Variants in SLC6A19 observed in about 807,000 individuals in gnomAD.
SLC6A19 encodes solute carrier family 6 member 19, also known as sodium-dependent neutral amino acid transporter B(0)AT1.
Under a neutral mutation model 68.3 loss-of-function variants are expected in SLC6A19, and 67 were observed. The ratio of observed to expected loss-of-function variants is 0.98; its 90% CI spans 0.81 to 1.20. SLC6A19 has a LOEUF of 1.20. SLC6A19 is among the 50% of genes most tolerant of loss of function. The pLI is 0.00. For synonymous variants in SLC6A19, 392 were observed against 374.9 expected (o/e 1.05, Z -0.53); for missense variants, 813 against 851.6 (o/e 0.95, Z 0.56).
At position 1,216,883 on chromosome 5, in the gene SLC6A19, G is replaced by C. The variant is rs138803628; in HGVS notation, c.1111G>C (p.Asp371His). The change falls in exon 8 of 12, where the codon GAC becomes CAC. Residue 371 changes from aspartate to histidine, a missense_variant. By Grantham distance (81) the Asp-to-His change is moderately conservative. Coordinates refer to ENST00000304460, the MANE Select transcript of SLC6A19 (RefSeq NM_001003841.3). ...CATGCAGCAGCGGTGCAACGCCTCC[G>C]ACCCCGCGGCCTACGCGCAGCTGGT... is the stretch of plus-strand genomic sequence containing the variant. ...VDMQQRCNAS[D>H]PAAYAQLVFQ... 6.2e-7 allele frequency: 1 copy of C among 1,613,668 alleles called. No individual in the cohort carries two copies.
At chr5:1,219,723 T>A (rs1290150251) in intron 10 of SLC6A19, 59 bp downstream of exon 10, 2 of 1,594,398 alleles carry the variant, frequency 1.3e-6, no homozygotes, top group Non-Finnish European at 1.7e-6. Flanking sequence ...CACAGGGCGT[T>A]CCTGTGAGGG....
In SLC6A19 at chr5:1,201,765, G is replaced by T; in HGVS notation, c.115G>T (p.Ala39Ser). 6.2e-7 allele frequency: 1 copy of T among 1,612,842 alleles called. No individual in the cohort carries two copies. The highest frequency in any genetic ancestry group is 1.3e-5 in the African/African-American group (1 of 75,066). ...ASSRPKWDNK[A>S]QYMLTCLGFC... ...CTCCCGGCCGAAGTGGGACAACAAG[G>T]CGCAGTACATGCTCACCTGCCTGGG... is the stretch of plus-strand genomic sequence containing the variant. The change falls in exon 1 of 12, where the codon GCG becomes TCG. Residue 39 changes from alanine (A) to serine (S), a missense_variant. Transcript: ENST00000304460.
chr5:1,212,209 G>A lies in SLC6A19; in HGVS notation c.482-94G>A. 1 of 1,527,946 alleles carries A rather than the reference G, an allele frequency of 6.5e-7. No individual in the cohort carries two copies. The highest frequency in any genetic ancestry group is 9.0e-7 in the Non-Finnish European group (1 of 1,116,678). The allele number at this position is 1,527,946 out of a possible 1,614,324, so 94.6% of individuals were successfully genotyped here. A position where few individuals can be genotyped will look rare whatever the true frequency, so the allele number is the denominator to read the frequency against. On this transcript the variant is annotated intron_variant, in intron 3 of 11. Coordinates refer to ENST00000304460, the MANE Select transcript of SLC6A19 (RefSeq NM_001003841.3). This position sits in a 1 kb window ranked among gnomAD's most constrained non-coding sequence, Gnocchi z 5.1. ...GCGTGTCACTGGTGTCAAGGCCTCT[G>A]GAACGTGGCTGGCATTTCTTCCAGC... is the stretch of plus-strand genomic sequence containing the variant.
chr5:1,219,616 T>C lies in SLC6A19; in HGVS notation c.1490T>C (p.Ile497Thr). ...GCCGGCTCCATTCCCCTGCTCATCA[T>C]CGCCTTCTGCGAGATGTTCTCTGTG... ...SYAGSIPLLI[I>T]AFCEMFSVVY... The change falls in exon 10 of 12, where the codon ATC (isoleucine) becomes ACC (threonine). Residue 497 changes from isoleucine to threonine, a missense_variant. By Grantham distance (89) the Ile-to-Thr change is moderately conservative (BLOSUM62 -1). Coordinates refer to ENST00000304460, the MANE Select transcript of SLC6A19 (RefSeq NM_001003841.3). The C allele has an allele frequency of 2.5e-6, 4 of 1,610,154 alleles. No homozygotes were observed. The highest frequency in any genetic ancestry group is 3.4e-6 in the Non-Finnish European group (4 of 1,180,026).
chr5:1,219,456 G>T (rs374533111), intron 9 of SLC6A19, 49 bp from the exon 10 acceptor site: 3 of 1,603,384 alleles, frequency 1.9e-6, no homozygotes, highest in South Asian at 1.1e-5. Context: ...GTCCCTGGCC[G>T]TGCGTGCAGC....
chr5:1,201,803 C>A lies in SLC6A19; in HGVS notation c.153C>A (p.Gly51=), dbSNP rs1455045629. 6.2e-7 allele frequency: 1 copy of A among 1,612,554 alleles called. No homozygotes were observed. The highest frequency in any genetic ancestry group is 8.5e-7 in the Non-Finnish European group (1 of 1,179,896). ...TCACCTGCCTGGGCTTCTGCGTGGGCCTCGGCAACGTGTGGCGCTTCCCCT... is the reference window on the plus strand; with the variant it reads ...TCACCTGCCTGGGCTTCTGCGTGGGACTCGGCAACGTGTGGCGCTTCCCCT... ...YMLTCLGFCV[G]LGNVWRFPYL... Residue 51 remains glycine, a synonymous_variant, in exon 1 of 12, where the codon GGC becomes GGA. Transcript: ENST00000304460.
chr5:1,222,018 CGT>C lies in SLC6A19; in HGVS notation c.*120_*121del, dbSNP rs1746396769. On this transcript the variant is annotated 3_prime_UTR_variant, in exon 12 of 12. Coordinates refer to ENST00000304460, the MANE Select transcript of SLC6A19 (RefSeq NM_001003841.3). The stretch of plus-strand genomic sequence containing the variant: ...ATGTGTGTAAGCGTGAGTGTATGCT[CGT>C]GTGTGAGTGTGTGTATTGTACACGC... 3.4e-6 allele frequency: 4 copies of C among 1,166,352 alleles called. No homozygotes were observed. The highest frequency in any genetic ancestry group is 1.4e-5 in the South Asian group (1 of 69,888). The allele number at this position is 1,166,352 out of a possible 1,614,324, so 72.3% of individuals were successfully genotyped here.
intron 1 of SLC6A19, among the ~76,000 whole-genome samples, chr5:1,202,644 G>A (rs1290333823): frequency 4.0e-5 from 6 of 151,762 alleles, no homozygotes; most frequent in African/African-American, 9.7e-5. Flanking sequence ...CAGGAGGGCC[G>A]GGCACCCTTG....
chr5:1,214,136 C>G lies in SLC6A19; in HGVS notation c.887+71C>G, dbSNP rs141961039. ...GGGATCTTGCTGGGAGGATAAAAGA[C>G]AAGGTGGAAAGCACTCTGTGGCTGT... On this transcript the variant is annotated intron_variant, in intron 6 of 11. Transcript: ENST00000304460. This position sits in a 1 kb window ranked among gnomAD's most constrained non-coding sequence, Gnocchi z 7.4. The G allele has an allele frequency of 7.0e-5, 113 of 1,609,420 alleles. No homozygotes were observed. Among genetic ancestry groups the G allele is most frequent in the Middle Eastern group, 3.3e-4 (2 of 6,060 alleles).
At chr5:1,208,915 G>T in intron 2 of SLC6A19, 29 bp downstream of exon 2, 3 of 1,596,212 alleles carry the variant, frequency 1.9e-6, no homozygotes, top group East Asian at 4.5e-5. Context: ...TTCCACCCGG[G>T]CCCAGGGGTC....
rs1746172454 is a variant in SLC6A19 at position 1,215,125 on chromosome 5, G to A, written c.887+1060G>A. ...GAGCTCCCCTGGGTGCTGAGGGCAG[G>A]TGCTAGGAGGACCCCTGGGCACTGC... is the stretch of plus-strand genomic sequence containing the variant. On this transcript the variant is annotated intron_variant, in intron 6 of 11. Transcript: ENST00000304460. The surrounding 1 kb of genome is among the most constrained non-coding windows in gnomAD (Gnocchi z 5.1). 6.6e-6 allele frequency among the ~76,000 whole-genome samples: 1 copy of A among 152,010 alleles called. No homozygotes were observed.
At position 1,209,126 on chromosome 5, in the gene SLC6A19, G is replaced by A. The variant is rs1342163392; in HGVS notation, c.343+240G>A. Among the ~76,000 whole-genome samples, 1 of 152,200 alleles carries A rather than the reference G, an allele frequency of 6.6e-6. No individual in the cohort carries two copies. The highest frequency in any genetic ancestry group is 1.9e-4 in the East Asian group (1 of 5,188). ...GGCCGCCCGAGTCCCTGGCAGCCCA[G>A]GGCCCAGGAGGGTCCAGACACTGGA... On this transcript the variant is annotated intron_variant, in intron 2 of 11. Transcript: ENST00000304460. The surrounding 1 kb of genome is among the most constrained non-coding windows in gnomAD (Gnocchi z 5.5).
chr5:1,221,313 C>T lies in SLC6A19; in HGVS notation c.1701C>T (p.Tyr567=), dbSNP rs139211708. The change falls in exon 11 of 12, where the codon TAC becomes TAT. Residue 567 remains tyrosine, a splice_region_variant and synonymous_variant. Transcript: ENST00000304460. ...CCTACAGCATCTGGGACCCTGGCTACGTAAGTGTCCAGGCAGTCGCCTGGG... is the reference window on the plus strand; with the variant it reads ...CCTACAGCATCTGGGACCCTGGCTATGTAAGTGTCCAGGCAGTCGCCTGGG... The part of the protein sequence containing the change: ...ELTYSIWDPG[Y]EEFPKSQKIS... 3.3e-3 allele frequency: 5,376 copies of T among 1,613,310 alleles called. 72 individuals are homozygous for T. In the African/African-American group the frequency reaches 0.042, roughly 13 times the overall value.
At chr5:1,219,339 G>C (rs1044714932) in intron 9 of SLC6A19, among the ~76,000 whole-genome samples, 166 bp from the exon 10 acceptor site, 10 of 119,970 alleles carry the variant, frequency 8.3e-5, no homozygotes, top group East Asian at 4.9e-4. Flanking sequence ...GCGTGCAGCC[G>C]CCGGGCATGT....
At position 1,223,597 on chromosome 5, in the gene SLC6A19, G is replaced by T. The variant is rs1476584395; in HGVS notation, c.*1693G>T. The T allele has an allele frequency of 7.3e-6, 1 of 137,142 alleles. No individual in the cohort carries two copies. Among genetic ancestry groups the T allele is most frequent in the Non-Finnish European group, 1.7e-5 (1 of 60,462 alleles). 8.5% of individuals were successfully genotyped at this position (137,142 alleles called of 1,614,324 possible). A position where few individuals can be genotyped will look rare whatever the true frequency, so the allele number is the denominator to read the frequency against. On this transcript the variant is annotated 3_prime_UTR_variant, in exon 12 of 12. Coordinates refer to ENST00000304460, the MANE Select transcript of SLC6A19 (RefSeq NM_001003841.3). Reference sequence around the variant, plus strand: ...CCTCCGCTTTGCACGGAAGAATCTGGATGCTTACATTAAACTGGTGTTCTG... The same window carrying T: ...CCTCCGCTTTGCACGGAAGAATCTGTATGCTTACATTAAACTGGTGTTCTG...
intron 9 of SLC6A19, among the ~76,000 whole-genome samples, 178 bp from the exon 10 acceptor site, chr5:1,219,327 G>A (rs945406594): frequency 3.4e-5 from 5 of 148,244 alleles, no homozygotes; most frequent in African/African-American, 5.0e-5. Context: ...GTCCCCGGCC[G>A]TGCGTGCAGC....
chr5:1,222,694 CAT>C lies in SLC6A19; in HGVS notation c.*793_*794del, dbSNP rs1294418958. 2 of 178,538 alleles carry C rather than the reference CAT, an allele frequency of 1.1e-5. No homozygotes were observed. The highest frequency in any genetic ancestry group is 1.2e-5 in the Non-Finnish European group (1 of 85,512). The allele number at this position is 178,538 out of a possible 1,614,324, so 11.1% of individuals were successfully genotyped here. On this transcript the variant is annotated 3_prime_UTR_variant, in exon 12 of 12. Coordinates refer to ENST00000304460, the MANE Select transcript of SLC6A19 (RefSeq NM_001003841.3). ...ACACGCATGGACACGCATATGGACA[CAT>C]ATGGACACACATATGGACACGTGTG...
chr5:1,210,440 G>A lies in SLC6A19; in HGVS notation c.344-4G>A, dbSNP rs774223820. ...CCCAAGCCTCAGCAGCAGCCTCCCT[G>A]CAGGCCTGGCCTCCATGCTCACGTC... On this transcript the variant is annotated splice_polypyrimidine_tract_variant and splice_region_variant and intron_variant, in intron 2 of 11. Coordinates refer to ENST00000304460, the MANE Select transcript of SLC6A19 (RefSeq NM_001003841.3). The A allele has an allele frequency of 1.9e-6, 3 of 1,612,680 alleles. No homozygotes were observed. The highest frequency in any genetic ancestry group is 2.2e-5 in the East Asian group (1 of 44,898).
chr5:1,213,510 C>T lies in SLC6A19; in HGVS notation c.711C>T (p.Phe237=). 3 of 1,607,274 alleles carry T rather than the reference C, an allele frequency of 1.9e-6. No homozygotes were observed. Among genetic ancestry groups the T allele is most frequent in the Non-Finnish European group, 8.5e-7 (1 of 1,177,392 alleles). ...STLPYVVLTI[F]LIRGLTLKGA... ...TGCCCTATGTCGTCCTGACCATCTTCCTCATCCGAGGCCTGACGCTGAAGG... is the reference window on the plus strand; with the variant it reads ...TGCCCTATGTCGTCCTGACCATCTTTCTCATCCGAGGCCTGACGCTGAAGG... Residue 237 remains phenylalanine (F), a synonymous_variant, in exon 5 of 12, where the codon TTC becomes TTT. Coordinates refer to ENST00000304460, the MANE Select transcript of SLC6A19 (RefSeq NM_001003841.3).
Sources: gnomAD v4.1 joint callset for allele counts (sites outside exome capture counted in the v4.1 genomes callset) on GRCh38, gnomAD v4.1.1 for gene constraint, Gnocchi (gnomAD v3.1) non-coding constraint, MANE v1.5 for transcripts, NCBI Gene and HGNC (gene_info 2026-07-23, HGNC 2026-07-21) for gene names.